The following SCHIP1 variants were observed in gnomAD, a reference collection of about 807,000 sequenced individuals.
SCHIP1 encodes the protein schwannomin-interacting protein 1.
A neutral mutation model predicts 29.7 loss-of-function variants in SCHIP1; 8 were observed. The observed-to-expected ratio is 0.27, with a 90% CI of 0.16 to 0.49. The LOEUF (loss-of-function observed/expected upper bound fraction) is 0.49, where lower values mean the gene tolerates loss of function less well. Ranked by LOEUF, SCHIP1 falls within the 20% of genes least tolerant of loss-of-function variation. SCHIP1 has a pLI of 0.99. For missense variants in SCHIP1, 193 were observed against 294.6 expected, an observed-to-expected ratio of 0.66 and a Z score of 2.52; for synonymous variants, 76 against 94.9, an observed-to-expected ratio of 0.80 and a Z score of 1.16.
At chr3:159,486,740 G>C in the SCHIP1 span, among the ~76,000 whole-genome samples, 7 of 152,190 alleles carry the variant, frequency 4.6e-5, 1 homozygote, top group South Asian at 6.2e-4. Flanking sequence ...CTGGTTCAGC[G>C]GCTCAGCAGC....
the SCHIP1 span, among the ~76,000 whole-genome samples, chr3:159,490,607 T>C: frequency 6.6e-6 from 1 of 152,156 alleles, no homozygotes; most frequent in Admixed American, 6.5e-5. Flanking sequence ...CACACAAACA[T>C]ACAGTGGAGA....
chr3:159,669,326 G>A, the SCHIP1 span, among the ~76,000 whole-genome samples: 9 of 152,168 alleles, frequency 5.9e-5, no homozygotes, highest in African/African-American at 1.9e-4. Flanking sequence ...AGCTCATTTC[G>A]ACAGCAACCA....
At chr3:159,402,686 A>G in the SCHIP1 span, among the ~76,000 whole-genome samples, 1 of 152,176 alleles carries the variant, frequency 6.6e-6, no homozygotes, top group Admixed American at 6.5e-5. Context: ...CAAGGACAAA[A>G]AACCAAACAT....
At chr3:159,862,975 G>C (rs1714219215) in intron 1 of SCHIP1, among the ~76,000 whole-genome samples, 1 of 152,158 alleles carries the variant, frequency 6.6e-6, no homozygotes, top group Non-Finnish European at 1.5e-5. Flanking sequence ...ACACTTAGCT[G>C]ATCTGCTAAT....
chr3:159,710,193 A>G, the SCHIP1 span, among the ~76,000 whole-genome samples: 11 of 152,312 alleles, frequency 7.2e-5, no homozygotes, highest in East Asian at 2.1e-3. Flanking sequence ...AACCTAAGTG[A>G]CCATCCACAG....
chr3:159,887,165 T>C (rs1717045520), intron 3 of SCHIP1: 2 of 153,636 alleles, frequency 1.3e-5, no homozygotes, highest in East Asian at 1.9e-4. Flanking sequence ...TTCTTCCCTA[T>C]TGGGCTTAGA....
At chr3:159,341,957 A>G in the SCHIP1 span, among the ~76,000 whole-genome samples, 1 of 152,246 alleles carries the variant, frequency 6.6e-6, no homozygotes, top group Non-Finnish European at 1.5e-5. Context: ...CTTATGATGA[A>G]AAATTTTAGA....
the SCHIP1 span, among the ~76,000 whole-genome samples, chr3:159,343,088 C>T: frequency 1.1e-4 from 16 of 152,054 alleles, no homozygotes; most frequent in Non-Finnish European, 2.2e-4. Flanking sequence ...CTTATTTCAC[C>T]CTCATAATAC....
chr3:159,378,352 C>A, the SCHIP1 span, among the ~76,000 whole-genome samples: 1 of 152,108 alleles, frequency 6.6e-6, no homozygotes, highest in Non-Finnish European at 1.5e-5. Flanking sequence ...AGAATAATTT[C>A]TTTATGAGGG....
chr3:159,461,606 C>G, the SCHIP1 span, among the ~76,000 whole-genome samples: 1 of 150,228 alleles, frequency 6.7e-6, no homozygotes, highest in Non-Finnish European at 1.5e-5. Flanking sequence ...GACAGAGTCT[C>G]ACTCTGTCGC....
At chr3:159,315,718 T>G in the SCHIP1 span, among the ~76,000 whole-genome samples, 1 of 152,142 alleles carries the variant, frequency 6.6e-6, no homozygotes, top group Non-Finnish European at 1.5e-5. Flanking sequence ...GATATTAAAC[T>G]TAAGTGTATG....
chr3:159,587,876 C>T, the SCHIP1 span, among the ~76,000 whole-genome samples: 50 of 152,196 alleles, frequency 3.3e-4, no homozygotes, highest in African/African-American at 9.7e-4. Context: ...CATTGATGGA[C>T]ATTTGGGTTG....
At chr3:159,643,085 T>C in the SCHIP1 span, among the ~76,000 whole-genome samples, 1 of 151,988 alleles carries the variant, frequency 6.6e-6, no homozygotes, top group African/African-American at 2.4e-5. Context: ...GTGCTGGGTA[T>C]TGTAAATGGC....
the SCHIP1 span, among the ~76,000 whole-genome samples, chr3:159,474,146 C>A: frequency 6.6e-6 from 1 of 152,084 alleles, no homozygotes; most frequent in Non-Finnish European, 1.5e-5. Context: ...GTTTGATGTC[C>A]TAGAGTCCTG....
At chr3:159,358,369 A>G in the SCHIP1 span, among the ~76,000 whole-genome samples, 22 of 152,328 alleles carry the variant, frequency 1.4e-4, no homozygotes, top group African/African-American at 4.8e-4. Context: ...CCAGGCAGAG[A>G]AAACAGCCTA....
At chr3:159,366,387 A>G in the SCHIP1 span, among the ~76,000 whole-genome samples, 9 of 152,276 alleles carry the variant, frequency 5.9e-5, no homozygotes, top group Admixed American at 5.9e-4. Flanking sequence ...ACAAATATTC[A>G]AACTATATTA....
At chr3:159,893,083 A>G (rs1298574096) in intron 6 of SCHIP1, 3 of 152,238 alleles carry the variant, frequency 2.0e-5, no homozygotes, top group Non-Finnish European at 4.4e-5. Flanking sequence ...ATGTAGTGAT[A>G]ATAATGCTCC....
chr3:159,509,351 CTA>C, the SCHIP1 span, among the ~76,000 whole-genome samples: 6 of 152,286 alleles, frequency 3.9e-5, no homozygotes, highest in East Asian at 9.6e-4. Flanking sequence ...TATTTTGAGA[CTA>C]TGTGTGTCTC....
the SCHIP1 span, among the ~76,000 whole-genome samples, chr3:159,590,073 G>T: frequency 6.6e-6 from 1 of 151,976 alleles, no homozygotes; most frequent in Non-Finnish European, 1.5e-5. Context: ...GCTAAATCTC[G>T]CAGCCCTGGG....
Sources: gnomAD v4.1 joint callset for allele counts (sites outside exome capture counted in the v4.1 genomes callset) on GRCh38, gnomAD v4.1.1 for gene constraint, MANE v1.5 for transcripts, NCBI Gene and HGNC (gene_info 2026-07-23, HGNC 2026-07-21) for gene names.